Variants in SEMA5A observed in about 807,000 individuals in gnomAD.
SEMA5A encodes the protein semaphorin-5A.
A neutral mutation model predicts 135.5 loss-of-function variants in SEMA5A; 55 were observed. The ratio of observed to expected loss-of-function variants is 0.41; its 90% CI spans 0.33 to 0.51. The LOEUF (loss-of-function observed/expected upper bound fraction) is 0.51. Among genes scored for constraint, SEMA5A ranks in the 20% least tolerant of loss-of-function variants. The probability of loss-of-function intolerance (pLI) is 0.37; values close to 1 mark genes in which losing one functional copy is unlikely to be tolerated. For synonymous variants in SEMA5A, 580 were observed against 546.5 expected (o/e 1.06, Z -0.85); for missense variants, 1,290 against 1,419.9 (o/e 0.91, Z 1.47).
At chr5:9,233,328 G>C (rs1747733894) in intron 6 of SEMA5A, among the ~76,000 whole-genome samples, 1 of 152,196 alleles carries the variant, frequency 6.6e-6, no homozygotes, top group Non-Finnish European at 1.5e-5. Context: ...TTGACTATTT[G>C]TGTTTAAAAT....
chr5:9,310,787 T>C (rs1752089487), intron 5 of SEMA5A, among the ~76,000 whole-genome samples: 1 of 110,068 alleles, frequency 9.1e-6, no homozygotes, highest in Non-Finnish European at 2.1e-5. Context: ...TAAAGATTCA[T>C]AGTTTGCATA....
intron 3 of SEMA5A, among the ~76,000 whole-genome samples, chr5:9,376,517 G>C (rs1755369729): frequency 2.6e-5 from 4 of 152,166 alleles, no homozygotes; most frequent in Admixed American, 2.6e-4. Context: ...CCTAGGCTCT[G>C]CAGCACCCAA....
At chr5:9,162,458 GTGTGTGTATATA>G (rs1743318175) in intron 11 of SEMA5A, among the ~76,000 whole-genome samples, 1 of 81,418 alleles carries the variant, frequency 1.2e-5, no homozygotes, top group Non-Finnish European at 2.9e-5. Context: ...GTATATATAT[GTGTGTGTATATA>G]TATGTGTGTG....
At chr5:9,246,163 T>C (rs1452493074) in intron 5 of SEMA5A, among the ~76,000 whole-genome samples, 2 of 152,152 alleles carry the variant, frequency 1.3e-5, no homozygotes, top group East Asian at 3.8e-4. Context: ...ATTATTTTCA[T>C]GAATGCAAGT....
intron 1 of SEMA5A, among the ~76,000 whole-genome samples, chr5:9,498,141 T>C (rs1421488023): frequency 6.6e-6 from 1 of 152,190 alleles, no homozygotes; most frequent in Admixed American, 6.5e-5. Context: ...TTCTTAAAGA[T>C]GGCCATGGGC....
intron 5 of SEMA5A, among the ~76,000 whole-genome samples, 168 bp downstream of exon 5, chr5:9,318,204 T>G (rs1752473251): frequency 6.6e-6 from 1 of 152,154 alleles, no homozygotes; most frequent in Admixed American, 6.5e-5. Flanking sequence ...AGGGAGGTAA[T>G]GACTCGTAAC....
chr5:9,119,061 G>A lies in SEMA5A; in HGVS notation c.1862C>T (p.Ser621Phe), dbSNP rs765335100. 2.5e-6 allele frequency: 4 copies of A among 1,613,694 alleles called. No individual in the cohort carries two copies. Among genetic ancestry groups the A allele is most frequent in the Non-Finnish European group, 3.4e-6 (4 of 1,179,928 alleles). The part of the protein sequence containing the change: ...CGIGFQVRQR[S>F]CSNPTPRHGG... The stretch of plus-strand genomic sequence containing the variant: ...GTGCCTGGGAGTGGGGTTGCTGCAG[G>A]AGCGCTGCCGCACCTGGAAGCCGAT... The change falls in exon 15 of 23, where the codon TCC (serine) becomes TTC (phenylalanine). Residue 621 changes from serine to phenylalanine, a missense_variant. This residue lies in a region of SEMA5A where 1,029 missense variants were observed against 1,086.6 expected (regional missense o/e 0.95). Transcript: ENST00000382496.
At position 9,204,744 on chromosome 5, in the gene SEMA5A, C is replaced by T. The variant is rs1745916295; in HGVS notation, c.647-2504G>A. Reference sequence around the variant, plus strand: ...GGGTCACCAACCCCCAGGACATGGACCAGTACCAGTCCATGGCCTGTTAGG... The same window carrying T: ...GGGTCACCAACCCCCAGGACATGGATCAGTACCAGTCCATGGCCTGTTAGG... On this transcript the variant is annotated intron_variant, in intron 8 of 22. Transcript: ENST00000382496. This position sits in a 1 kb window ranked among gnomAD's most constrained non-coding sequence, Gnocchi z 6.4. Among the ~76,000 whole-genome samples, 1 of 152,156 alleles carries T rather than the reference C, an allele frequency of 6.6e-6. No homozygotes were observed. The highest frequency in any genetic ancestry group is 2.4e-5 in the African/African-American group (1 of 41,442).
chr5:9,094,459 GAAGAT>G (rs1739212174), intron 16 of SEMA5A, among the ~76,000 whole-genome samples: 1 of 152,194 alleles, frequency 6.6e-6, no homozygotes, highest in Non-Finnish European at 1.5e-5. Context: ...GCAGTTGCAA[GAAGAT>G]AAGAGAAATA....
chr5:9,218,430 C>T (rs1746754251), intron 8 of SEMA5A, among the ~76,000 whole-genome samples: 1 of 152,160 alleles, frequency 6.6e-6, no homozygotes, highest in Non-Finnish European at 1.5e-5. Flanking sequence ...AAGTTAGTGA[C>T]TGCTCTACTG....
chr5:9,523,540 A>C (rs1324406091), intron 1 of SEMA5A, among the ~76,000 whole-genome samples: 2 of 152,216 alleles, frequency 1.3e-5, no homozygotes, highest in Admixed American at 1.3e-4. Flanking sequence ...ATTGCCATAC[A>C]AATCTATAAC....
At chr5:9,054,577 C>A (rs539875052) in intron 18 of SEMA5A, among the ~76,000 whole-genome samples, 119 of 152,264 alleles carry the variant, frequency 7.8e-4, no homozygotes, top group Middle Eastern at 3.4e-3. Context: ...GCAGAGTGCA[C>A]GAGCTGTCAT....
intron 3 of SEMA5A, among the ~76,000 whole-genome samples, chr5:9,373,361 G>A (rs986019256): frequency 1.3e-5 from 2 of 152,010 alleles, no homozygotes; most frequent in African/African-American, 4.8e-5. Context: ...CTACATATGG[G>A]GATAAAGGCA....
chr5:9,207,248 C>A (rs1442276235), intron 8 of SEMA5A, among the ~76,000 whole-genome samples: 1 of 151,498 alleles, frequency 6.6e-6, no homozygotes, highest in South Asian at 2.1e-4. Flanking sequence ...TGCAATGGTG[C>A]GATCTCAGCT....
In SEMA5A at chr5:9,294,014, G is replaced by A. The variant is rs751582419; in HGVS notation, c.270+24358C>T. ...CAGGGTAGTCCCTCTGCCAATAGTGGTATAAGTGAATTGAAAACACATTAC... is the reference window on the plus strand; with the variant it reads ...CAGGGTAGTCCCTCTGCCAATAGTGATATAAGTGAATTGAAAACACATTAC... On this transcript the variant is annotated intron_variant, in intron 5 of 22. Transcript: ENST00000382496. Among the ~76,000 whole-genome samples the A allele has an allele frequency of 2.6e-5, 4 of 152,202 alleles. No homozygotes were observed. The East Asian group carries it at 7.7e-4, about 29-fold the overall frequency.
intron 21 of SEMA5A, among the ~76,000 whole-genome samples, chr5:9,049,016 T>C (rs1736418449): frequency 6.6e-6 from 1 of 152,096 alleles, no homozygotes; most frequent in Admixed American, 6.6e-5. Context: ...GTGCCCATCC[T>C]AAGCTCAATG....
At chr5:9,388,898 C>CAAAA (rs111310656) in intron 2 of SEMA5A, among the ~76,000 whole-genome samples, 37,216 of 135,822 alleles carry the variant, frequency 0.27, 5,046 homozygotes, top group Middle Eastern at 0.4. Context: ...GACTCCGTCT[C>CAAAA]AAAAAAAAAA....
intron 5 of SEMA5A, among the ~76,000 whole-genome samples, chr5:9,251,906 A>C (rs778309085): frequency 2.2e-4 from 33 of 152,220 alleles, no homozygotes; most frequent in Non-Finnish European, 2.6e-4. Context: ...TATTACATTC[A>C]TCTTACACAG....
At chr5:9,504,813 C>T (rs1579648746) in intron 1 of SEMA5A, among the ~76,000 whole-genome samples, 1 of 152,236 alleles carries the variant, frequency 6.6e-6, no homozygotes, top group Non-Finnish European at 1.5e-5. Context: ...ACACTGCCAG[C>T]GGATTATACC....
Sources: allele counts gnomAD v4.1 joint callset (sites outside exome capture counted in the v4.1 genomes callset), GRCh38; gene constraint gnomAD v4.1.1; regional missense constraint gnomAD v4.1.1; non-coding constraint Gnocchi (gnomAD v3.1); transcripts MANE v1.5; gene names NCBI Gene and HGNC (gene_info 2026-07-23, HGNC 2026-07-21).